Variants in MAGI2 observed in about 807,000 individuals in gnomAD.
MAGI2 encodes the protein membrane associated guanylate kinase, WW and PDZ domain containing 2.
In MAGI2, 35 loss-of-function variants were observed where a neutral mutation model predicts 133.3. The observed-to-expected ratio is 0.26, with a 90% confidence interval of 0.20 to 0.35. The LOEUF (loss-of-function observed/expected upper bound fraction) is 0.35. Among genes scored for constraint, MAGI2 ranks in the 10% least tolerant of loss-of-function variants. The probability of loss-of-function intolerance (pLI) is 1.00; values close to 1 mark genes in which losing one functional copy is unlikely to be tolerated. For missense variants in MAGI2, 1,636 were observed against 1,863.4 expected, an observed-to-expected ratio of 0.88 and a Z score of 2.25; for synonymous variants, 729 against 710.6, an observed-to-expected ratio of 1.03 and a Z score of -0.41.
At chr7:79,196,496 C>G (rs764116599) in intron 1 of MAGI2, among the ~76,000 whole-genome samples, 4 of 151,874 alleles carry the variant, frequency 2.6e-5, no homozygotes, top group African/African-American at 4.8e-5. Context: ...ATGACTTTCT[C>G]TTATGCAAAT....
chr7:78,075,950 A>G (rs1815243428), intron 21 of MAGI2, among the ~76,000 whole-genome samples: 1 of 152,192 alleles, frequency 6.6e-6, no homozygotes, highest in Admixed American at 6.5e-5. Flanking sequence ...TTACTTCCTT[A>G]AAGGAGATTG....
intron 21 of MAGI2, among the ~76,000 whole-genome samples, chr7:78,074,932 A>G (rs888138787): frequency 2.6e-5 from 4 of 152,204 alleles, no homozygotes; most frequent in Non-Finnish European, 5.9e-5. Context: ...CTCCTTAGAA[A>G]GGCCAGCTTT....
chr7:78,695,215 A>C (rs1386133524), intron 2 of MAGI2, among the ~76,000 whole-genome samples: 1 of 152,052 alleles, frequency 6.6e-6, no homozygotes, highest in Non-Finnish European at 1.5e-5. Flanking sequence ...ACAGAGCGAG[A>C]CTCTGTCTCA....
chr7:78,719,398 C>G (rs565987691), intron 2 of MAGI2, among the ~76,000 whole-genome samples: 1 of 151,982 alleles, frequency 6.6e-6, no homozygotes, highest in Non-Finnish European at 1.5e-5. Context: ...TGTAAGTGAC[C>G]TTCAAATAAC....
intron 1 of MAGI2, among the ~76,000 whole-genome samples, chr7:79,326,154 C>G (rs1839678585): frequency 6.6e-6 from 1 of 151,856 alleles, no homozygotes; most frequent in African/African-American, 2.4e-5. Context: ...CCAAGTGGTG[C>G]CTTTCCTTCA....
At chr7:78,204,880 T>C (rs1829589033) in intron 10 of MAGI2, among the ~76,000 whole-genome samples, 1 of 152,228 alleles carries the variant, frequency 6.6e-6, no homozygotes, top group Non-Finnish European at 1.5e-5. Context: ...AAATTTATTT[T>C]TAAATAGATG....
chr7:79,148,444 G>A (rs915963350), intron 1 of MAGI2, among the ~76,000 whole-genome samples: 3 of 152,114 alleles, frequency 2.0e-5, no homozygotes, highest in African/African-American at 4.8e-5. Flanking sequence ...GTGAAATTAC[G>A]GTGGTCTCTC....
At chr7:78,600,375 G>A (rs758901460) in intron 3 of MAGI2, among the ~76,000 whole-genome samples, 76 of 152,154 alleles carry the variant, frequency 5.0e-4, no homozygotes, top group South Asian at 1.0e-3. Context: ...TCTAGAGCCT[G>A]CATACAGTTA....
chr7:78,925,196 T>G (rs556100729), intron 2 of MAGI2, among the ~76,000 whole-genome samples: 2 of 152,182 alleles, frequency 1.3e-5, no homozygotes, highest in Non-Finnish European at 1.5e-5. Context: ...GAGTTTGCAA[T>G]GGCAGTTCAG....
intron 5 of MAGI2, among the ~76,000 whole-genome samples, chr7:78,494,065 C>T (rs1278134337): frequency 2.0e-5 from 3 of 152,110 alleles, no homozygotes; most frequent in African/African-American, 7.2e-5. Context: ...CCACCTCCAC[C>T]CCCTGGGATC....
chr7:78,146,544 G>A (rs1305676966), intron 16 of MAGI2, among the ~76,000 whole-genome samples: 1 of 152,056 alleles, frequency 6.6e-6, no homozygotes, highest in East Asian at 1.9e-4. Flanking sequence ...AAAACATAAA[G>A]GACAACTTGT....
At chr7:79,312,135 G>A (rs1838337053) in intron 1 of MAGI2, among the ~76,000 whole-genome samples, 1 of 152,064 alleles carries the variant, frequency 6.6e-6, no homozygotes, top group Admixed American at 6.6e-5. Context: ...GCCCTTCAAT[G>A]GAAATTTTTG....
chr7:78,802,668 C>T (rs1449348679), intron 2 of MAGI2, among the ~76,000 whole-genome samples: 1 of 152,070 alleles, frequency 6.6e-6, no homozygotes, highest in African/African-American at 2.4e-5. Flanking sequence ...CCATGAATGA[C>T]ATCCTGTAGA....
intron 7 of MAGI2, among the ~76,000 whole-genome samples, chr7:78,348,207 G>A (rs1234417643): frequency 6.6e-6 from 1 of 152,118 alleles, no homozygotes; most frequent in Non-Finnish European, 1.5e-5. Context: ...AAATGGTGCA[G>A]CACTTGAAGC....
intron 7 of MAGI2, among the ~76,000 whole-genome samples, chr7:78,365,631 G>A (rs968697260): frequency 6.6e-6 from 1 of 152,102 alleles, no homozygotes; most frequent in Non-Finnish European, 1.5e-5. Context: ...CACATACTAA[G>A]CACTCAATAA....
chr7:79,081,123 C>T (rs1036774509), intron 1 of MAGI2, among the ~76,000 whole-genome samples: 1 of 152,118 alleles, frequency 6.6e-6, no homozygotes, highest in African/African-American at 2.4e-5. Flanking sequence ...TGACAGTGTA[C>T]ACAAGGGCCT....
intron 9 of MAGI2, among the ~76,000 whole-genome samples, chr7:78,342,492 A>G (rs561495178): frequency 2.2e-4 from 34 of 152,344 alleles, no homozygotes; most frequent in Non-Finnish European, 3.8e-4. Flanking sequence ...TCATTCTACT[A>G]TAAAGACACA....
At chr7:78,255,084 T>C (rs1046048819) in intron 10 of MAGI2, 1 of 152,300 alleles carries the variant, frequency 6.6e-6, no homozygotes, top group Non-Finnish European at 1.5e-5. Flanking sequence ...AGTATCCTCT[T>C]TATCTATGGC....
intron 2 of MAGI2, among the ~76,000 whole-genome samples, chr7:78,677,634 A>G (rs1815189031): frequency 6.6e-6 from 1 of 152,074 alleles, no homozygotes; most frequent in African/African-American, 2.4e-5. Flanking sequence ...GCAACCTCAC[A>G]TGATTTCTTC....
Sources: allele counts gnomAD v4.1 joint callset (sites outside exome capture counted in the v4.1 genomes callset), GRCh38; gene constraint gnomAD v4.1.1; transcripts MANE v1.5; gene names NCBI Gene and HGNC (gene_info 2026-07-23, HGNC 2026-07-21).